Variants in MAGI2 observed in about 807,000 individuals in gnomAD.
The protein encoded by MAGI2 is membrane-associated guanylate kinase, WW and PDZ domain-containing protein 2.
In MAGI2, 35 loss-of-function variants were observed where a neutral mutation model predicts 133.3. The observed-to-expected ratio is 0.26, with a 90% confidence interval of 0.20 to 0.35. MAGI2 has a LOEUF of 0.35. MAGI2 is among the 10% of genes least tolerant of loss of function. The pLI, the probability that MAGI2 is intolerant of heterozygous loss-of-function variation, is 1.00. For missense variants in MAGI2, 1,636 were observed against 1,863.4 expected (o/e 0.88, Z 2.25); for synonymous variants, 729 against 710.6 (o/e 1.03, Z -0.41).
chr7:79,386,099 CA>C (rs79941432), intron 1 of MAGI2, among the ~76,000 whole-genome samples: 28,734 of 151,438 alleles, frequency 0.19, 3,154 homozygotes, highest in African/African-American at 0.3. Context: ...TAATATAGAA[CA>C]AAAAAACCCT....
At chr7:78,678,306 C>T (rs1335160830) in intron 2 of MAGI2, among the ~76,000 whole-genome samples, 3 of 152,004 alleles carry the variant, frequency 2.0e-5, no homozygotes, top group Non-Finnish European at 4.4e-5. Context: ...ATACTTATGC[C>T]CATGGTACCA....
At chr7:78,776,106 A>C (rs1163693633) in intron 2 of MAGI2, among the ~76,000 whole-genome samples, 1 of 152,132 alleles carries the variant, frequency 6.6e-6, no homozygotes, top group Non-Finnish European at 1.5e-5. Context: ...GGATCAAATG[A>C]AATTTTATGT....
chr7:79,247,145 A>G (rs1255717324), intron 1 of MAGI2, among the ~76,000 whole-genome samples: 1 of 152,196 alleles, frequency 6.6e-6, no homozygotes, highest in African/African-American at 2.4e-5. Context: ...CAAGAAATCT[A>G]AAAGGAGTTC....
chr7:79,259,362 T>G (rs539179925), intron 1 of MAGI2, among the ~76,000 whole-genome samples: 2 of 152,196 alleles, frequency 1.3e-5, no homozygotes, highest in Non-Finnish European at 2.9e-5. Context: ...CAGCCACAAA[T>G]CACACAGAAC....
At chr7:78,146,408 A>C (rs922861730) in intron 16 of MAGI2, among the ~76,000 whole-genome samples, 2 of 152,028 alleles carry the variant, frequency 1.3e-5, no homozygotes, top group Non-Finnish European at 2.9e-5. Context: ...AGTAATTTTT[A>C]ATCAGTTTTT....
intron 6 of MAGI2, among the ~76,000 whole-genome samples, chr7:78,377,203 T>G (rs1794522231): frequency 6.6e-6 from 1 of 152,052 alleles, no homozygotes; most frequent in African/African-American, 2.4e-5. Flanking sequence ...AACCTACACC[T>G]ACAACATTAT....
chr7:78,517,280 C>T (rs1796124624), intron 4 of MAGI2, among the ~76,000 whole-genome samples: 1 of 152,074 alleles, frequency 6.6e-6, no homozygotes, highest in Non-Finnish European at 1.5e-5. Flanking sequence ...AACATCACTG[C>T]TATGAGCCTA....
chr7:78,419,474 T>A (rs1414497070), intron 6 of MAGI2, among the ~76,000 whole-genome samples: 3 of 151,950 alleles, frequency 2.0e-5, no homozygotes, highest in African/African-American at 7.3e-5. Context: ...TCATAGCAAC[T>A]CTACCCACCC....
chr7:79,105,684 G>A (rs1055875382), intron 1 of MAGI2, among the ~76,000 whole-genome samples: 2 of 152,110 alleles, frequency 1.3e-5, no homozygotes, highest in Non-Finnish European at 2.9e-5. Context: ...AACTATCACA[G>A]AGCAAAATTC....
intron 1 of MAGI2, among the ~76,000 whole-genome samples, chr7:79,155,534 T>C (rs1181906523): frequency 6.6e-6 from 1 of 151,940 alleles, no homozygotes; most frequent in African/African-American, 2.4e-5. Context: ...AACAAAAAAA[T>C]TTAAGTAGGC....
chr7:78,186,645 A>C (rs1426204658), intron 12 of MAGI2, among the ~76,000 whole-genome samples: 2 of 152,174 alleles, frequency 1.3e-5, no homozygotes, highest in East Asian at 3.9e-4. Context: ...TTCATTCCAC[A>C]GATGGTTAAG....
intron 2 of MAGI2, among the ~76,000 whole-genome samples, chr7:78,896,712 T>C (rs1241787117): frequency 2.0e-5 from 3 of 151,886 alleles, no homozygotes; most frequent in Admixed American, 1.3e-4. Context: ...GGACTACAGA[T>C]GCGTGCCACT....
intron 1 of MAGI2, among the ~76,000 whole-genome samples, chr7:79,236,950 T>C (rs1003783354): frequency 1.3e-5 from 2 of 151,978 alleles, no homozygotes; most frequent in African/African-American, 4.8e-5. Context: ...GAGACTGAGG[T>C]GGGAGGATTG....
chr7:78,069,538 AG>A (rs1814243672), intron 21 of MAGI2, among the ~76,000 whole-genome samples: 2 of 94,736 alleles, frequency 2.1e-5, no homozygotes, highest in East Asian at 8.2e-4. Flanking sequence ...AGAAAGAGAG[AG>A]GAGAGAGAGA....
At chr7:78,555,252 T>G (rs1799722590) in intron 3 of MAGI2, among the ~76,000 whole-genome samples, 2 of 147,588 alleles carry the variant, frequency 1.4e-5, no homozygotes, top group African/African-American at 2.5e-5. Flanking sequence ...ATAGATAGGT[T>G]TAACTACTTC....
intron 2 of MAGI2, among the ~76,000 whole-genome samples, chr7:79,003,355 T>A (rs185938299): frequency 2.1e-3 from 318 of 152,268 alleles, no homozygotes; most frequent in African/African-American, 7.1e-3. Flanking sequence ...TTAGGTCTTG[T>A]TTTGTGAAAA....
chr7:78,192,798 T>C (rs1270782317), intron 12 of MAGI2, among the ~76,000 whole-genome samples: 1 of 152,062 alleles, frequency 6.6e-6, no homozygotes, highest in Non-Finnish European at 1.5e-5. Context: ...ACTGTGACCT[T>C]AGAAACATTA....
At chr7:78,836,397 T>C (rs1453719355) in intron 2 of MAGI2, among the ~76,000 whole-genome samples, 2 of 152,182 alleles carry the variant, frequency 1.3e-5, no homozygotes, top group Non-Finnish European at 2.9e-5. Flanking sequence ...AATATCAATA[T>C]TATTTTTCAC....
At chr7:79,158,694 T>C (rs1824057838) in intron 1 of MAGI2, among the ~76,000 whole-genome samples, 1 of 152,090 alleles carries the variant, frequency 6.6e-6, no homozygotes, top group Non-Finnish European at 1.5e-5. Flanking sequence ...TTTTATTACT[T>C]AATACTTGAA....
Sources: gnomAD v4.1 joint callset for allele counts (sites outside exome capture counted in the v4.1 genomes callset) on GRCh38, gnomAD v4.1.1 for gene constraint, MANE v1.5 for transcripts, NCBI Gene and HGNC (gene_info 2026-07-23, HGNC 2026-07-21) for gene names.